ALDH2: variants seen among roughly 807,000 people sequenced by gnomAD.
ALDH2 encodes aldehyde dehydrogenase 2 family member.
A neutral mutation model predicts 59.6 loss-of-function variants in ALDH2; 44 were observed. That is an observed-to-expected ratio of 0.74 (90% CI 0.58 to 0.95). The LOEUF (loss-of-function observed/expected upper bound fraction) is 0.95. Ranked by LOEUF, ALDH2 falls within the 40% of genes least tolerant of loss-of-function variation. The pLI is 0.00. For synonymous variants in ALDH2, 291 were observed against 284.0 expected, an observed-to-expected ratio of 1.02 and a Z score of -0.25; for missense variants, 570 against 696.3, an observed-to-expected ratio of 0.82 and a Z score of 2.04.
intron 1 of ALDH2, 139 bp from the exon 2 acceptor site, chr12:111,781,779 T>C: frequency 1.6e-6 from 1 of 629,750 alleles, no homozygotes; most frequent in Non-Finnish European, 2.7e-6. Flanking sequence ...CTGCAAGGCC[T>C]GTGCTTTTCA....
intron 9 of ALDH2, among the ~76,000 whole-genome samples, chr12:111,794,080 G>A (rs914409208): frequency 3.4e-5 from 5 of 145,944 alleles, no homozygotes; most frequent in South Asian, 2.2e-4. Context: ...GTGCAGTGGC[G>A]TGATCTCGGC....
At chr12:111,799,501 G>T (rs2068431646) in intron 10 of ALDH2, among the ~76,000 whole-genome samples, 1 of 150,794 alleles carries the variant, frequency 6.6e-6, no homozygotes, top group South Asian at 2.1e-4. Flanking sequence ...TAAAGACAGG[G>T]TCTCTCTGTG....
chr12:111,789,515 G>C (rs1455768967), intron 4 of ALDH2, among the ~76,000 whole-genome samples: 2 of 148,672 alleles, frequency 1.3e-5, no homozygotes, highest in Non-Finnish European at 3.0e-5. Flanking sequence ...GAAAAGAAAA[G>C]AAAGAAAAAA....
intron 9 of ALDH2, 152 bp downstream of exon 9, chr12:111,792,934 G>A: frequency 1.1e-6 from 1 of 882,884 alleles, no homozygotes; most frequent in Non-Finnish European, 1.7e-6. Flanking sequence ...CCCTCCCTCA[G>A]CCTTCATTTC....
intron 2 of ALDH2, among the ~76,000 whole-genome samples, chr12:111,782,611 G>A (rs75879223): frequency 0.015 from 2,355 of 152,238 alleles, 71 homozygotes; most frequent in African/African-American, 0.053. Flanking sequence ...CAGGCCAGGC[G>A]CAGTGGCTCA....
In ALDH2 at chr12:111,767,001, C is replaced by G. The variant is rs766577822; in HGVS notation, c.19C>G (p.Arg7Gly). The change falls in exon 1 of 13, where the codon CGC becomes GGC. Residue 7 changes from arginine to glycine, a missense_variant. Transcript: ENST00000261733. ...CGCTGCGATGTTGCGCGCTGCCGCCCGCTTCGGGCCCCGCCTGGGCCGCCG... is the reference window on the plus strand; with the variant it reads ...CGCTGCGATGTTGCGCGCTGCCGCCGGCTTCGGGCCCCGCCTGGGCCGCCG... MLRAAA[R>G]FGPRLGRRLL... is the part of the protein sequence containing the mutation. 1.3e-6 allele frequency: 2 copies of G among 1,522,470 alleles called. No individual in the cohort carries two copies. Among genetic ancestry groups the G allele is most frequent in the South Asian group, 1.2e-5 (1 of 82,870 alleles). The allele number at this position is 1,522,470 out of a possible 1,614,324, so 94.3% of individuals were successfully genotyped here. A position where few individuals can be genotyped will look rare whatever the true frequency, so the allele number is the denominator to read the frequency against.
intron 1 of ALDH2, among the ~76,000 whole-genome samples, chr12:111,769,584 T>C (rs2068184318): frequency 6.6e-6 from 1 of 152,020 alleles, no homozygotes; most frequent in African/African-American, 2.4e-5. Flanking sequence ...TTTTTTTTTT[T>C]TTAACATAAA....
intron 10 of ALDH2, among the ~76,000 whole-genome samples, chr12:111,799,608 T>G (rs1048828912): frequency 6.6e-6 from 1 of 152,124 alleles, no homozygotes; most frequent in Non-Finnish European, 1.5e-5. Flanking sequence ...AATGCCCAGC[T>G]GACTTAAATT....
At chr12:111,795,738 C>T in intron 9 of ALDH2, among the ~76,000 whole-genome samples, 1 of 150,888 alleles carries the variant, frequency 6.6e-6, no homozygotes, top group East Asian at 2.0e-4. Context: ...ATTACAGGCG[C>T]CCACCACCAT....
intron 3 of ALDH2, among the ~76,000 whole-genome samples, chr12:111,784,671 A>G (rs58329978): frequency 6.6e-6 from 1 of 152,022 alleles, no homozygotes; most frequent in Non-Finnish European, 1.5e-5. Context: ...CTGGAGTGCA[A>G]TGGCACAATC....
Position 111,782,033 on chromosome 12 carries a change from G to A in ALDH2, c.219+11G>A. ...GCTGAAGGGGACAAGGTGAGAACTG[G>A]TGACTTACCTTGGGGGAGGGATGGA... On this transcript the variant is annotated intron_variant, in intron 2 of 12. Transcript: ENST00000261733. The A allele has an allele frequency of 6.3e-7, 1 of 1,597,770 alleles. No individual in the cohort carries two copies. Among genetic ancestry groups the A allele is most frequent in the Non-Finnish European group, 8.6e-7 (1 of 1,165,322 alleles).
At chr12:111,774,133 C>T (rs771379257) in intron 1 of ALDH2, among the ~76,000 whole-genome samples, 15 of 152,098 alleles carry the variant, frequency 9.9e-5, no homozygotes, top group Non-Finnish European at 1.5e-4. Context: ...TTGAAACTCC[C>T]ATCTTTGAAG....
At chr12:111,773,183 G>C (rs1264675395) in intron 1 of ALDH2, among the ~76,000 whole-genome samples, 1 of 152,052 alleles carries the variant, frequency 6.6e-6, no homozygotes, top group Non-Finnish European at 1.5e-5. Context: ...CCAGGAGGCG[G>C]AGGTTGTGGT....
At chr12:111,802,661 A>G (rs1028585892) in intron 11 of ALDH2, among the ~76,000 whole-genome samples, 10 of 151,814 alleles carry the variant, frequency 6.6e-5, no homozygotes, top group African/African-American at 2.4e-4. Context: ...CGGGCGGATC[A>G]CGAGGTCAGA....
chr12:111,779,676 C>G (rs537014187), intron 1 of ALDH2, among the ~76,000 whole-genome samples: 362 of 152,280 alleles, frequency 2.4e-3, no homozygotes, highest in Non-Finnish European at 4.3e-3. Context: ...GCCAAAGGGA[C>G]CCCCAAGGAA....
chr12:111,805,452 G>A (rs1369614459), intron 12 of ALDH2, among the ~76,000 whole-genome samples: 2 of 152,038 alleles, frequency 1.3e-5, no homozygotes, highest in African/African-American at 4.8e-5. Flanking sequence ...AGTCTCCCGA[G>A]TAGCTGGGAC....
intron 1 of ALDH2, among the ~76,000 whole-genome samples, chr12:111,777,722 C>T (rs1015184039): frequency 6.6e-6 from 1 of 152,174 alleles, no homozygotes; most frequent in African/African-American, 2.4e-5. Flanking sequence ...ACCTGCTGCC[C>T]AGGCACGGCA....
rs1468348079 is a variant in ALDH2 at position 111,817,094 on chromosome 12, A to G, written c.*7519A>G. The G allele has an allele frequency of 1.3e-5, 2 of 152,214 alleles. No homozygotes were observed. The highest frequency in any genetic ancestry group is 1.5e-5 in the Non-Finnish European group (1 of 68,048). The allele number at this position is 152,214 out of a possible 1,614,324, so 9.4% of individuals were successfully genotyped here. ...ACAATGCCACTTCAGTTTGTAACTC[A>G]GTGTTAATTTTATTCTGAAGTGGCC... On this transcript the variant is annotated 3_prime_UTR_variant, in exon 13 of 13. Transcript: ENST00000261733.
In ALDH2 at chr12:111,783,168, A is replaced by C; in HGVS notation, c.230A>C (p.Asp77Ala). The C allele has an allele frequency of 3.7e-6, 6 of 1,611,432 alleles. No homozygotes were observed. The highest frequency in any genetic ancestry group is 5.1e-6 in the Non-Finnish European group (6 of 1,178,204). Residue 77 changes from aspartate to alanine, a missense_variant, in exon 3 of 13, where the codon GAC (aspartate) becomes GCC (alanine). Asp to Ala is a moderately radical substitution (Grantham distance 126). Transcript: ENST00000261733. ...TCCTGTGTTTTCTAGGAAGATGTGG[A>C]CAAGGCAGTGAAGGCCGCCCGGGCC... is the stretch of plus-strand genomic sequence containing the variant. Reference protein sequence around the residue: ...QVAEGDKEDVDKAVKAARAAF... With the variant: ...QVAEGDKEDVAKAVKAARAAF...
Sources: gnomAD v4.1 joint callset for allele counts (sites outside exome capture counted in the v4.1 genomes callset) on GRCh38, gnomAD v4.1.1 for gene constraint, MANE v1.5 for transcripts, NCBI Gene and HGNC (gene_info 2026-07-23, HGNC 2026-07-21) for gene names.